Variants in HPS1 observed in about 807,000 individuals in gnomAD.
The protein encoded by HPS1 is HPS1 biogenesis of lysosomal organelles complex 3 subunit 1, also known as BLOC-3 complex member HPS1.
Under a neutral mutation model 90.6 loss-of-function variants are expected in HPS1, and 59 were observed. The ratio of observed to expected loss-of-function variants is 0.65; its 90% CI spans 0.53 to 0.81. The LOEUF (loss-of-function observed/expected upper bound fraction) is 0.81, where lower values mean the gene tolerates loss of function less well. Among genes scored for constraint, HPS1 ranks in the 30% least tolerant of loss-of-function variants. HPS1 has a pLI of 0.00. For missense variants in HPS1, 849 were observed against 896.7 expected, an observed-to-expected ratio of 0.95 and a Z score of 0.68; for synonymous variants, 388 against 384.4, an observed-to-expected ratio of 1.01 and a Z score of -0.11.
intron 17 of HPS1, 52 bp from the exon 18 acceptor site, chr10:98,420,210 G>A (rs1443380339): frequency 3.0e-6 from 4 of 1,340,260 alleles, no homozygotes; most frequent in East Asian, 4.6e-5. Context: ...GTCTGCCTGG[G>A]CAGCTCTCAC....
At position 98,424,614 on chromosome 10, in the gene HPS1, G is replaced by C. The variant is rs990569552; in HGVS notation, c.1336-240C>G. Reference sequence around the variant, plus strand: ...AGTTTCCAGGGGCTCGCTGTCTGACGGGCACAGGCACACATAGTAGCACCG... The same window carrying C: ...AGTTTCCAGGGGCTCGCTGTCTGACCGGCACAGGCACACATAGTAGCACCG... On this transcript the variant is annotated intron_variant, in intron 13 of 19. Coordinates refer to ENST00000361490, the MANE Select transcript of HPS1 (RefSeq NM_000195.5). 5.3e-5 allele frequency among the ~76,000 whole-genome samples: 8 copies of C among 152,082 alleles called. No homozygotes were observed. The East Asian group carries it at 1.4e-3, about 26-fold the overall frequency.
intron 18 of HPS1, among the ~76,000 whole-genome samples, chr10:98,419,074 C>T (rs1242576542): frequency 2.6e-5 from 4 of 152,158 alleles, no homozygotes; most frequent in African/African-American, 9.6e-5. Context: ...GTGTCTCCAT[C>T]CGTACAACGG....
intron 3 of HPS1, among the ~76,000 whole-genome samples, chr10:98,440,511 A>T (rs763455088): frequency 3.3e-5 from 5 of 152,158 alleles, no homozygotes. Context: ...ATCTTGATAT[A>T]ATGGCAAGTG....
chr10:98,438,849 CG>C (rs1159454844), intron 3 of HPS1, among the ~76,000 whole-genome samples: 1 of 152,204 alleles, frequency 6.6e-6, no homozygotes, highest in African/African-American at 2.4e-5. Context: ...CAGGCCCTCT[CG>C]CCACAGGCCT....
At chr10:98,423,953 C>T in intron 14 of HPS1, 66 bp from the exon 15 acceptor site, 1 of 1,585,490 alleles carries the variant, frequency 6.3e-7, no homozygotes, top group Non-Finnish European at 8.6e-7. Context: ...CCTGTGTGGA[C>T]CACCTTGTTC....
rs1235947356 is a variant in HPS1, at chr10:98,427,285, C to G, written c.938-21G>C. ...GCTACCTGCAGGCCACAGGTAATAA[C>G]ATAACGATGTAAGTACCATGAGATG... On this transcript the variant is annotated intron_variant, in intron 10 of 19. Transcript: ENST00000361490. 1.9e-6 allele frequency: 3 copies of G among 1,547,196 alleles called. No individual in the cohort carries two copies. The African/African-American group carries it at 4.1e-5, about 21-fold the overall frequency.
intron 8 of HPS1, among the ~76,000 whole-genome samples, chr10:98,430,238 A>T (rs78731995): frequency 6.6e-6 from 1 of 152,296 alleles, no homozygotes; most frequent in South Asian, 2.1e-4. Context: ...ACCCCTGAGA[A>T]GTAGATGCTT....
At chr10:98,422,279 T>C in intron 17 of HPS1, 90 bp downstream of exon 17, 1 of 1,454,474 alleles carries the variant, frequency 6.9e-7, no homozygotes, top group Non-Finnish European at 9.6e-7. Context: ...CAGCGCACTC[T>C]GCTAGCCCCA....
rs74154479 is a variant in HPS1, at chr10:98,442,871, C to A, written c.117+253G>T. The A allele has an allele frequency of 8.2e-3, 4,222 of 513,616 alleles. 134 individuals are homozygous for A. Among genetic ancestry groups the A allele is most frequent in the African/African-American group, 0.067 (3,477 of 51,852 alleles). The allele number at this position is 513,616 out of a possible 1,614,324, so 31.8% of individuals were successfully genotyped here. A position where few individuals can be genotyped will look rare whatever the true frequency, so the allele number is the denominator to read the frequency against. ...AGTTCTTCTGTTACGTGATAAAATTCGACTTCTTCTTGCCCTCATTTAGTC... is the reference window on the plus strand; with the variant it reads ...AGTTCTTCTGTTACGTGATAAAATTAGACTTCTTCTTGCCCTCATTTAGTC... On this transcript the variant is annotated intron_variant, in intron 3 of 19. Transcript: ENST00000361490.
chr10:98,435,179 A>C lies in HPS1; in HGVS notation c.398+93T>G. The C allele has an allele frequency of 6.5e-7, 1 of 1,537,272 alleles. No individual in the cohort carries two copies. The highest frequency in any genetic ancestry group is 9.0e-7 in the Non-Finnish European group (1 of 1,113,290). ...GGGACCCAGCTGGGGGCAGTATGTG[A>C]AAAATGGCAGCTTCACAGGGGCTGG... On this transcript the variant is annotated intron_variant, in intron 5 of 19. Coordinates refer to ENST00000361490, the MANE Select transcript of HPS1 (RefSeq NM_000195.5). The surrounding 1 kb of genome is among the most constrained non-coding windows in gnomAD (Gnocchi z 4.3).
At position 98,422,400 on chromosome 10, in the gene HPS1, T is replaced by G. The variant is rs1845001924; in HGVS notation, c.1712A>C (p.Lys571Thr). The G allele has an allele frequency of 6.4e-7, 1 of 1,564,998 alleles. No individual in the cohort carries two copies. The highest frequency in any genetic ancestry group is 1.4e-5 in the African/African-American group (1 of 73,000). ...TTTGACAAAGGCAGCCAGCGGCCCC[T>G]TGCCCAACTCCGACGAGGTCTTTTG... ...CSQKTSSELG[K>T]GPLAAFVKTK... The change falls in exon 17 of 20, where the codon AAG becomes ACG. Residue 571 changes from lysine (K) to threonine (T), a missense_variant. Physicochemically the swap from Lys to Thr is moderately conservative, Grantham distance 78. Coordinates refer to ENST00000361490, the MANE Select transcript of HPS1 (RefSeq NM_000195.5).
chr10:98,441,979 G>A (rs547885449), intron 3 of HPS1, among the ~76,000 whole-genome samples: 59 of 152,338 alleles, frequency 3.9e-4, no homozygotes, highest in African/African-American at 1.2e-3. Context: ...CTAAGTATCT[G>A]TCCTTGGACA....
chr10:98,439,693 T>C (rs552768276), intron 3 of HPS1, among the ~76,000 whole-genome samples: 123 of 152,290 alleles, frequency 8.1e-4, no homozygotes, highest in Middle Eastern at 3.4e-3. Context: ...AATGCTGGAA[T>C]GAATTATGAC....
At chr10:98,421,945 C>A (rs1487362229) in intron 17 of HPS1, among the ~76,000 whole-genome samples, 1 of 148,610 alleles carries the variant, frequency 6.7e-6, no homozygotes, top group Admixed American at 6.8e-5. Flanking sequence ...GCCTCCCCCA[C>A]CAAAACAAAG....
chr10:98,426,041 A>T, intron 11 of HPS1, 56 bp from the exon 12 acceptor site: 1 of 1,474,188 alleles, frequency 6.8e-7, no homozygotes, highest in South Asian at 1.1e-5. Flanking sequence ...GGACCCACCC[A>T]TTGCGGCCCT....
At position 98,435,520 on chromosome 10, in the gene HPS1, G is replaced by A; in HGVS notation, c.256-106C>T. ...GGAGGCTCGGGTCCCAGGCGGGTTT[G>A]ATAAGATGCCGTTTCTGCCTTCTAA... On this transcript the variant is annotated intron_variant, in intron 4 of 19. Coordinates refer to ENST00000361490, the MANE Select transcript of HPS1 (RefSeq NM_000195.5). This position sits in a 1 kb window ranked among gnomAD's most constrained non-coding sequence, Gnocchi z 4.3. The A allele has an allele frequency of 6.2e-7, 1 of 1,608,644 alleles. No homozygotes were observed.
intron 10 of HPS1, among the ~76,000 whole-genome samples, chr10:98,427,776 G>A (rs1845813865): frequency 6.6e-6 from 1 of 152,158 alleles, no homozygotes; most frequent in Admixed American, 6.5e-5. Context: ...AAAACCTACT[G>A]AACCCACCAC....
chr10:98,414,845 G>T, downstream of HPS1: 2 of 1,094,428 alleles, frequency 1.8e-6, no homozygotes, highest in Admixed American at 2.8e-5. Context: ...CTGCCAGATG[G>T]AAGGGCTTTC....
intron 6 of HPS1, among the ~76,000 whole-genome samples, chr10:98,432,560 C>T (rs1386292388): frequency 6.6e-6 from 1 of 152,212 alleles, no homozygotes; most frequent in Non-Finnish European, 1.5e-5. Context: ...CTATTTAACA[C>T]ATCCCTTGAG....
Sources: allele counts gnomAD v4.1 joint callset (sites outside exome capture counted in the v4.1 genomes callset), GRCh38; gene constraint gnomAD v4.1.1; non-coding constraint Gnocchi (gnomAD v3.1); transcripts MANE v1.5; gene names NCBI Gene and HGNC (gene_info 2026-07-23, HGNC 2026-07-21).